Variants in CD2AP observed in about 807,000 individuals in gnomAD.
The protein encoded by CD2AP is CD2-associated protein.
Under a neutral mutation model 85.1 loss-of-function variants are expected in CD2AP, and 46 were observed. The ratio of observed to expected loss-of-function variants is 0.54; its 90% confidence interval spans 0.43 to 0.69. The LOEUF (loss-of-function observed/expected upper bound fraction) is 0.69, where lower values mean the gene tolerates loss of function less well. Among genes scored for constraint, CD2AP ranks in the 30% least tolerant of loss-of-function variants. The pLI is 0.00. For synonymous variants in CD2AP, 255 were observed against 252.9 expected (o/e 1.01, Z -0.08); for missense variants, 769 against 729.5 (o/e 1.05, Z -0.62).
chr6:47,530,878 T>A (rs541968182), intron 2 of CD2AP, among the ~76,000 whole-genome samples: 1 of 152,336 alleles, frequency 6.6e-6, no homozygotes, highest in African/African-American at 2.4e-5. Context: ...CTTATTTAGG[T>A]TGACACTTGT....
At chr6:47,611,382 G>T (rs1470172883) in intron 16 of CD2AP, among the ~76,000 whole-genome samples, 3 of 92,066 alleles carry the variant, frequency 3.3e-5, no homozygotes, top group Non-Finnish European at 8.5e-5. Context: ...TATGGAAGAG[G>T]GGGGGAATAG....
rs948513260 is a variant in CD2AP, at chr6:47,550,060, C to G, written c.421-4586C>G. Among the ~76,000 whole-genome samples the G allele has an allele frequency of 2.0e-5, 3 of 152,112 alleles. 1 individual carries two copies. Among genetic ancestry groups the G allele is most frequent in the Non-Finnish European group, 1.5e-5 (1 of 68,000 alleles). On this transcript the variant is annotated intron_variant, in intron 4 of 17. Transcript: ENST00000359314. The stretch of plus-strand genomic sequence containing the variant: ...CTCTCACCTTATACAAAAATCAAAT[C>G]AAGATGGATCAAGGACTTAAATCTA...
At chr6:47,601,928 C>T (rs1351772373) in intron 13 of CD2AP, among the ~76,000 whole-genome samples, 2 of 151,712 alleles carry the variant, frequency 1.3e-5, no homozygotes, top group Non-Finnish European at 2.9e-5. Context: ...AATGTTTTTT[C>T]CCTTAACTAA....
intron 1 of CD2AP, among the ~76,000 whole-genome samples, chr6:47,492,508 A>C (rs1171711959): frequency 1.3e-5 from 2 of 151,708 alleles, no homozygotes; most frequent in African/African-American, 4.8e-5. Flanking sequence ...GCTGCCCCAC[A>C]CACCTGTTGT....
intron 5 of CD2AP, among the ~76,000 whole-genome samples, chr6:47,557,543 C>G (rs1582556294): frequency 6.6e-6 from 1 of 152,118 alleles, no homozygotes; most frequent in African/African-American, 2.4e-5. Flanking sequence ...TTTCTGTATA[C>G]AGCTAGCCAG....
chr6:47,574,301 C>G, intron 6 of CD2AP, 50 bp downstream of exon 6: 1 of 1,518,138 alleles, frequency 6.6e-7, no homozygotes. Flanking sequence ...TCTCATTAAG[C>G]ATTTTTTAAA....
intron 2 of CD2AP, among the ~76,000 whole-genome samples, chr6:47,515,609 C>T (rs1766432870): frequency 6.6e-6 from 1 of 152,110 alleles, no homozygotes; most frequent in Non-Finnish European, 1.5e-5. Context: ...TGAAAAAATG[C>T]ATCTATGGTA....
intron 3 of CD2AP, among the ~76,000 whole-genome samples, chr6:47,537,314 G>A (rs1003435670): frequency 1.3e-5 from 2 of 152,122 alleles, no homozygotes; most frequent in African/African-American, 2.4e-5. Flanking sequence ...TTGAAAAAAT[G>A]AGTGTGTTGG....
chr6:47,572,910 C>A (rs992730485), intron 5 of CD2AP, among the ~76,000 whole-genome samples: 2 of 152,238 alleles, frequency 1.3e-5, no homozygotes, highest in South Asian at 4.1e-4. Context: ...CCCTATTGTT[C>A]TTACTGTTAT....
intron 4 of CD2AP, among the ~76,000 whole-genome samples, chr6:47,551,483 T>G (rs1767521761): frequency 6.6e-6 from 1 of 152,222 alleles, no homozygotes; most frequent in Middle Eastern, 3.2e-3. Context: ...GGTTGAAGCA[T>G]TGTGCTGAGA....
chr6:47,618,457 GATCCATGTTTTTTTTT>G (rs1769657198), intron 17 of CD2AP, among the ~76,000 whole-genome samples: 1 of 152,006 alleles, frequency 6.6e-6, no homozygotes, highest in Non-Finnish European at 1.5e-5. Context: ...GTTTGGGTAG[GATCCATGTTTTTTTTT>G]ATCTTTGCTC....
At chr6:47,573,706 G>A (rs1768219615) in intron 5 of CD2AP, among the ~76,000 whole-genome samples, 1 of 151,870 alleles carries the variant, frequency 6.6e-6, no homozygotes, top group South Asian at 2.1e-4. Context: ...AGCCAGAATG[G>A]TCTCGATCTC....
At chr6:47,606,492 A>G (rs559287599) in intron 14 of CD2AP, among the ~76,000 whole-genome samples, 17 of 152,132 alleles carry the variant, frequency 1.1e-4, no homozygotes, top group African/African-American at 2.6e-4. Flanking sequence ...GAAGGAAATT[A>G]TCATGAGGCT....
At chr6:47,592,644 G>T (rs551270776) in intron 11 of CD2AP, among the ~76,000 whole-genome samples, 1 of 152,200 alleles carries the variant, frequency 6.6e-6, no homozygotes, top group South Asian at 2.1e-4. Flanking sequence ...CCTAAGGATG[G>T]GGAGGGGCCT....
intron 5 of CD2AP, among the ~76,000 whole-genome samples, chr6:47,571,015 C>A (rs892450000): frequency 2.6e-5 from 4 of 152,110 alleles, no homozygotes; most frequent in Non-Finnish European, 2.9e-5. Flanking sequence ...TCCAAACCCC[C>A]TTCCCTGCCT....
rs922055478 is a variant in CD2AP, at chr6:47,573,442, T to A, written c.542-622T>A. On this transcript the variant is annotated intron_variant, in intron 5 of 17. Coordinates refer to ENST00000359314, the MANE Select transcript of CD2AP (RefSeq NM_012120.3). ...TATGTCTTTATTGTTTGTCTCACAT[T>A]ATATCATCTTTGGCCAAAAGCTATA... Among the ~76,000 whole-genome samples, 15 of 151,792 alleles carry A rather than the reference T, an allele frequency of 9.9e-5. 1 individual carries two copies. The highest frequency in any genetic ancestry group is 9.8e-4 in the Admixed American group (15 of 15,238).
intron 10 of CD2AP, 77 bp from the exon 11 acceptor site, chr6:47,581,926 T>G: frequency 2.2e-6 from 2 of 924,580 alleles, no homozygotes; most frequent in Non-Finnish European, 3.6e-6. Context: ...TCAACTCATC[T>G]TTACTTTTTA....
intron 10 of CD2AP, among the ~76,000 whole-genome samples, chr6:47,581,632 G>A (rs924722250): frequency 1.3e-4 from 20 of 152,124 alleles, no homozygotes; most frequent in Admixed American, 3.3e-4. Flanking sequence ...TTAAACTTAA[G>A]ATTAAATAAA....
At position 47,533,747 on chromosome 6, in the gene CD2AP, T is replaced by A. The variant is rs149246024; in HGVS notation, c.311T>A (p.Ile104Asn). 6.0e-5 allele frequency: 97 copies of A among 1,613,724 alleles called. No homozygotes were observed. The highest frequency in any genetic ancestry group is 7.7e-5 in the Non-Finnish European group (91 of 1,179,858). The change falls in exon 3 of 18, where the codon ATT becomes AAT. Residue 104 changes from isoleucine (I) to asparagine (N), a missense_variant. Transcript: ENST00000359314. The stretch of plus-strand genomic sequence containing the variant: ...CAGCCACATCCACAAACCAAAAACA[T>A]TAAGAAGAGTATGTAAATAATTCCT... ...GIQPHPQTKNIKKKTKKRQCK... is the reference protein window; with the variant it reads ...GIQPHPQTKNNKKKTKKRQCK...
Sources: allele counts gnomAD v4.1 joint callset (sites outside exome capture counted in the v4.1 genomes callset), GRCh38; gene constraint gnomAD v4.1.1; transcripts MANE v1.5; gene names NCBI Gene and HGNC (gene_info 2026-07-23, HGNC 2026-07-21).